The following PARVA variants were observed in gnomAD, a reference collection of about 807,000 sequenced individuals.
PARVA encodes parvin alpha.
A neutral mutation model predicts 52.6 loss-of-function variants in PARVA; 25 were observed. The observed-to-expected ratio is 0.48, with a 90% CI of 0.35 to 0.66. The LOEUF (loss-of-function observed/expected upper bound fraction) is 0.66. Ranked by LOEUF, PARVA falls within the 30% of genes least tolerant of loss-of-function variation. The pLI, the probability that PARVA is intolerant of heterozygous loss-of-function variation, is 0.01. For synonymous variants in PARVA, 185 were observed against 179.1 expected, an observed-to-expected ratio of 1.03 and a Z score of -0.26; for missense variants, 373 against 450.9, an observed-to-expected ratio of 0.83 and a Z score of 1.56.
At chr11:12,452,808 T>C (rs970905586) in intron 1 of PARVA, 2 of 284,568 alleles carry the variant, frequency 7.0e-6, no homozygotes, top group African/African-American at 2.2e-5. Context: ...TTAAATTATA[T>C]AGGCAGCCAC....
chr11:12,484,045 A>G (rs1941124313), intron 4 of PARVA, among the ~76,000 whole-genome samples: 1 of 152,216 alleles, frequency 6.6e-6, no homozygotes, highest in Non-Finnish European at 1.5e-5. Flanking sequence ...ATCAATAAGA[A>G]GTCACAGAAT....
At chr11:12,377,527 A>T, upstream of PARVA, 1 of 1,438,850 alleles carries the variant, frequency 6.9e-7, no homozygotes, top group Non-Finnish European at 9.3e-7. Context: ...AGCTGCCTCA[A>T]ATGCTTGGAA....
intron 1 of PARVA, 80 bp downstream of exon 1, chr11:12,377,863 G>A (rs867540853): frequency 3.8e-6 from 4 of 1,040,440 alleles, no homozygotes; most frequent in Non-Finnish European, 5.0e-6. Flanking sequence ...CACTGGGACC[G>A]GGCGGGAGCG....
intron 1 of PARVA, among the ~76,000 whole-genome samples, chr11:12,456,628 A>C (rs1333019120): frequency 6.6e-6 from 1 of 151,900 alleles, no homozygotes; most frequent in Non-Finnish European, 1.5e-5. Flanking sequence ...CCTCCAGCAA[A>C]CCTTCCCAAA....
intron 7 of PARVA, among the ~76,000 whole-genome samples, chr11:12,511,171 A>G (rs1362695244): frequency 6.6e-6 from 1 of 152,224 alleles, no homozygotes; most frequent in African/African-American, 2.4e-5. Flanking sequence ...GGAAATCTTC[A>G]GCCCCTGAGT....
intron 8 of PARVA, among the ~76,000 whole-genome samples, chr11:12,512,168 T>C (rs1284932225): frequency 6.6e-6 from 1 of 152,194 alleles, no homozygotes; most frequent in Non-Finnish European, 1.5e-5. Flanking sequence ...CCGAGGTGTC[T>C]GGATGGGTCC....
chr11:12,448,897 T>C (rs1324889250), intron 1 of PARVA, among the ~76,000 whole-genome samples: 1 of 152,234 alleles, frequency 6.6e-6, no homozygotes, highest in Non-Finnish European at 1.5e-5. Context: ...CTAGGTTCTC[T>C]GTACTCTCTC....
At chr11:12,407,889 C>T (rs770197874) in intron 1 of PARVA, among the ~76,000 whole-genome samples, 4 of 152,204 alleles carry the variant, frequency 2.6e-5, no homozygotes, top group Non-Finnish European at 5.9e-5. Flanking sequence ...ATCCTGCCTT[C>T]CATTGCTAAA....
chr11:12,382,024 A>G (rs988210336), intron 1 of PARVA, among the ~76,000 whole-genome samples: 19 of 152,218 alleles, frequency 1.2e-4, no homozygotes, highest in Non-Finnish European at 2.5e-4. Flanking sequence ...TGCGGTACAC[A>G]ATTTACTGGA....
At chr11:12,376,755 C>T, upstream of PARVA, 1 of 982,108 alleles carries the variant, frequency 1.0e-6, no homozygotes, top group Non-Finnish European at 1.2e-6. Context: ...TAACACGTGC[C>T]TTTTAATCAT....
At chr11:12,507,856 A>G (rs967925290) in intron 6 of PARVA, among the ~76,000 whole-genome samples, 8 of 152,076 alleles carry the variant, frequency 5.3e-5, no homozygotes, top group Admixed American at 2.0e-4. Context: ...GGCAGAAACT[A>G]TATCATATAC....
chr11:12,472,383 T>C (rs1290867876), intron 1 of PARVA, among the ~76,000 whole-genome samples: 2 of 152,248 alleles, frequency 1.3e-5, no homozygotes, highest in East Asian at 1.9e-4. Context: ...GTTTCTGTCA[T>C]GTTTTATGGA....
intron 1 of PARVA, among the ~76,000 whole-genome samples, chr11:12,386,793 C>G (rs1031122010): frequency 1.4e-4 from 21 of 152,190 alleles, no homozygotes; most frequent in African/African-American, 4.8e-4. Context: ...GATTTCTGAG[C>G]TCTTATTTCA....
rs541996092 is a variant in PARVA at position 12,514,194 on chromosome 11, A to C, written c.867+129A>C. The C allele has an allele frequency of 5.7e-5, 38 of 672,342 alleles. No individual in the cohort carries two copies. In the African/African-American group the frequency reaches 6.0e-4, roughly 11 times the overall value. 41.6% of individuals were successfully genotyped at this position (672,342 alleles called of 1,614,324 possible). A position where few individuals can be genotyped will look rare whatever the true frequency, so the allele number is the denominator to read the frequency against. ...GGATGAGGGCATGGGAATCTGTCCT[A>C]CTCTGAGGGGTGGACTGAGTCTCTG... is the stretch of plus-strand genomic sequence containing the variant. On this transcript the variant is annotated intron_variant, in intron 10 of 12. Transcript: ENST00000334956.
chr11:12,491,404 G>A (rs2135055266), intron 4 of PARVA, among the ~76,000 whole-genome samples: 1 of 152,236 alleles, frequency 6.6e-6, no homozygotes, highest in South Asian at 2.1e-4. Context: ...CTGGCCTCAA[G>A]CAGTCCTCCT....
chr11:12,508,099 TAAAAAAA>T lies in PARVA; in HGVS notation c.658-468_658-462del, dbSNP rs35314523. Among the ~76,000 whole-genome samples, 20 of 91,774 alleles carry T rather than the reference TAAAAAAA, an allele frequency of 2.2e-4. No homozygotes were observed. The Admixed American group carries it at 2.6e-3, about 12-fold the overall frequency. The allele number at this position is 91,774 out of a possible 152,430, so 60.2% of individuals were successfully genotyped here. ...TTTAAAAGCTCCCATATTTATCAGT[TAAAAAAA>T]AAAAAAAAAAAAAAAACCAAAAAAA... is the stretch of plus-strand genomic sequence containing the variant. On this transcript the variant is annotated intron_variant, in intron 6 of 12. Coordinates refer to ENST00000334956, the MANE Select transcript of PARVA (RefSeq NM_018222.5).
At position 12,409,216 on chromosome 11, in the gene PARVA, A is replaced by G. The variant is rs72860908; in HGVS notation, c.136+31433A>G. Among the ~76,000 whole-genome samples the G allele has an allele frequency of 8.5e-3, 1,297 of 152,338 alleles. 9 individuals carry two copies. Among genetic ancestry groups the G allele is most frequent in the Non-Finnish European group, 0.016 (1,066 of 68,022 alleles). ...TACAATTAAGTAAGGTTATATATAT[A>G]TAATATGTAGTGGTGTGCCTGGTAC... is the stretch of plus-strand genomic sequence containing the variant. On this transcript the variant is annotated intron_variant, in intron 1 of 12. Coordinates refer to ENST00000334956, the MANE Select transcript of PARVA (RefSeq NM_018222.5).
At position 12,517,674 on chromosome 11, in the gene PARVA, A is replaced by G; in HGVS notation, c.932A>G (p.His311Arg). Reference protein sequence around the residue: ...GLLEGYFVPLHSFFLTPDSFE... With the variant: ...GLLEGYFVPLRSFFLTPDSFE... ...CTGGAGGGCTACTTTGTGCCCCTGC[A>G]CAGCTTCTTCCTGACCCCGGACAGC... is the stretch of plus-strand genomic sequence containing the variant. The change falls in exon 11 of 13, where the codon CAC (histidine) becomes CGC (arginine). Residue 311 changes from histidine (H) to arginine (R), a missense_variant. Transcript: ENST00000334956. 2 of 1,605,292 alleles carry G rather than the reference A, an allele frequency of 1.2e-6. No individual in the cohort carries two copies. Among genetic ancestry groups the G allele is most frequent in the East Asian group, 2.2e-5 (1 of 44,632 alleles).
At chr11:12,418,285 C>G (rs1049097183) in intron 1 of PARVA, among the ~76,000 whole-genome samples, 1 of 152,164 alleles carries the variant, frequency 6.6e-6, no homozygotes, top group African/African-American at 2.4e-5. Context: ...GAGTTTTGTT[C>G]CCTTAGTTTG....
Sources: allele counts gnomAD v4.1 joint callset (sites outside exome capture counted in the v4.1 genomes callset), GRCh38; gene constraint gnomAD v4.1.1; transcripts MANE v1.5; gene names NCBI Gene and HGNC (gene_info 2026-07-23, HGNC 2026-07-21).